HCN1: variants seen among roughly 807,000 people sequenced by gnomAD.
HCN1 encodes the protein hyperpolarization activated cyclic nucleotide gated potassium channel 1.
A neutral mutation model predicts 78.9 loss-of-function variants in HCN1; 13 were observed. The ratio of observed to expected loss-of-function variants is 0.16; its 90% confidence interval spans 0.11 to 0.26. HCN1 has a LOEUF of 0.26. Among genes scored for constraint, HCN1 ranks in the 10% least tolerant of loss-of-function variants. HCN1 has a pLI of 1.00. For missense variants in HCN1, 810 were observed against 1,154.3 expected (o/e 0.70, Z 4.32); for synonymous variants, 552 against 455.5 (o/e 1.21, Z -2.70).
At chr5:45,503,282 A>G (rs1306710752) in intron 2 of HCN1, among the ~76,000 whole-genome samples, 1 of 152,166 alleles carries the variant, frequency 6.6e-6, no homozygotes, top group Non-Finnish European at 1.5e-5. Context: ...ACTAGTTTAT[A>G]GGAAATAAAG....
At chr5:45,504,259 C>G (rs1264683627) in intron 2 of HCN1, among the ~76,000 whole-genome samples, 1 of 152,072 alleles carries the variant, frequency 6.6e-6, no homozygotes, top group East Asian at 1.9e-4. Flanking sequence ...TCTCCCCTCA[C>G]CCCACAACAG....
chr5:45,445,351 C>G (rs1427719357), intron 3 of HCN1, among the ~76,000 whole-genome samples: 1 of 152,154 alleles, frequency 6.6e-6, no homozygotes, highest in Non-Finnish European at 1.5e-5. Context: ...CTGCCATTGC[C>G]CAGGCTTGCT....
chr5:45,680,906 C>A (rs1225105308), intron 1 of HCN1, among the ~76,000 whole-genome samples: 1 of 152,034 alleles, frequency 6.6e-6, no homozygotes, highest in Non-Finnish European at 1.5e-5. Context: ...GAAATTCTTA[C>A]CCTTTTTGAA....
At chr5:45,330,694 A>G (rs1561109537) in intron 5 of HCN1, among the ~76,000 whole-genome samples, 3 of 151,108 alleles carry the variant, frequency 2.0e-5, no homozygotes, top group South Asian at 2.1e-4. Context: ...TTTGCAAGAA[A>G]TTCTTATTAC....
chr5:45,557,275 A>G (rs1367934974), intron 2 of HCN1, among the ~76,000 whole-genome samples: 1 of 151,870 alleles, frequency 6.6e-6, no homozygotes, highest in African/African-American at 2.4e-5. Context: ...TGATCTGGAA[A>G]CCTAAAATTC....
chr5:45,582,335 G>A (rs969141655), intron 2 of HCN1, among the ~76,000 whole-genome samples: 4 of 152,094 alleles, frequency 2.6e-5, no homozygotes, highest in African/African-American at 9.7e-5. Flanking sequence ...TGTTGTTGGT[G>A]TATAAGAATG....
chr5:45,407,695 A>G (rs1739951937), intron 3 of HCN1, among the ~76,000 whole-genome samples: 1 of 151,986 alleles, frequency 6.6e-6, no homozygotes, highest in African/African-American at 2.4e-5. Context: ...AACTTTTTGT[A>G]TTTTTAGTAG....
intron 5 of HCN1, among the ~76,000 whole-genome samples, chr5:45,329,681 CT>C (rs963186886): frequency 4.6e-5 from 7 of 151,266 alleles, no homozygotes; most frequent in African/African-American, 1.7e-4. Flanking sequence ...ATTTTGGAAT[CT>C]TTTTTAAATT....
At position 45,371,970 on chromosome 5, in the gene HCN1, A is replaced by G. The variant is rs1386902128; in HGVS notation, c.1231-18724T>C. On this transcript the variant is annotated intron_variant, in intron 4 of 7. Transcript: ENST00000303230. Reference sequence around the variant, plus strand: ...ATAATATAATATAATTATATATTATATTATGTATATTATATATAATGTAAT... The same window carrying G: ...ATAATATAATATAATTATATATTATGTTATGTATATTATATATAATGTAAT... Among the ~76,000 whole-genome samples the G allele has an allele frequency of 2.6e-3, 166 of 63,302 alleles. 1 individual carries two copies. The highest frequency in any genetic ancestry group is 3.8e-3 in the Non-Finnish European group (143 of 37,152). 41.5% of individuals were successfully genotyped at this position (63,302 alleles called of 152,430 possible).
chr5:45,457,877 T>C (rs376061604), intron 3 of HCN1, among the ~76,000 whole-genome samples: 19 of 152,304 alleles, frequency 1.2e-4, no homozygotes, highest in African/African-American at 4.1e-4. Context: ...CTGCTCTTTA[T>C]GTAATCACCT....
intron 1 of HCN1, among the ~76,000 whole-genome samples, chr5:45,692,883 T>C (rs1281116950): frequency 6.6e-6 from 1 of 152,150 alleles, no homozygotes; most frequent in Non-Finnish European, 1.5e-5. Flanking sequence ...TCTCTGGCCA[T>C]GTAAAGGTTT....
chr5:45,386,578 G>A (rs1332698675), intron 4 of HCN1, among the ~76,000 whole-genome samples: 1 of 152,078 alleles, frequency 6.6e-6, no homozygotes, highest in Non-Finnish European at 1.5e-5. Flanking sequence ...CAAAGGTGGA[G>A]CTTAGTTCAG....
chr5:45,269,424 C>G (rs1239806469), intron 6 of HCN1, among the ~76,000 whole-genome samples: 1 of 151,946 alleles, frequency 6.6e-6, no homozygotes, highest in Non-Finnish European at 1.5e-5. Flanking sequence ...ACTCTGGAAA[C>G]ATTGTTTTGT....
chr5:45,458,169 T>A (rs1741064640), intron 3 of HCN1, among the ~76,000 whole-genome samples: 1 of 152,052 alleles, frequency 6.6e-6, no homozygotes, highest in Non-Finnish European at 1.5e-5. Flanking sequence ...AATTATAGCA[T>A]TGACTTTGAG....
At chr5:45,584,298 T>G (rs1744152301) in intron 2 of HCN1, among the ~76,000 whole-genome samples, 1 of 152,276 alleles carries the variant, frequency 6.6e-6, no homozygotes, top group Admixed American at 6.5e-5. Flanking sequence ...CTTCTTTGTC[T>G]CTTTTGATCT....
At chr5:45,411,488 C>T (rs1740022148) in intron 3 of HCN1, among the ~76,000 whole-genome samples, 1 of 151,550 alleles carries the variant, frequency 6.6e-6, no homozygotes, top group African/African-American at 2.4e-5. Context: ...CATAGTATTA[C>T]TAGTCAAAGA....
At chr5:45,607,718 T>G (rs577965482) in intron 2 of HCN1, among the ~76,000 whole-genome samples, 1 of 151,386 alleles carries the variant, frequency 6.6e-6, no homozygotes, top group African/African-American at 2.4e-5. Context: ...AAACTAAGAA[T>G]AGAATCAGGG....
chr5:45,667,118 ACT>A lies in HCN1; in HGVS notation c.426-21512_426-21511del, dbSNP rs1746065454. On this transcript the variant is annotated intron_variant, in intron 1 of 7. Coordinates refer to ENST00000303230, the MANE Select transcript of HCN1 (RefSeq NM_021072.4). ...GAGCCATGGAACTCAGGCTGGGCTC[ACT>A]GGTCCTACAAACCTCACCTGCTTTC... Among the ~76,000 whole-genome samples the A allele has an allele frequency of 4.6e-5, 7 of 152,144 alleles. No individual in the cohort carries two copies. The South Asian group carries it at 1.5e-3, about 32-fold the overall frequency.
chr5:45,426,731 T>C (rs1740355998), intron 3 of HCN1, among the ~76,000 whole-genome samples: 1 of 152,144 alleles, frequency 6.6e-6, no homozygotes, highest in Non-Finnish European at 1.5e-5. Flanking sequence ...TGAGAAGAAT[T>C]CAGAAGCACT....
Sources: gnomAD v4.1 joint callset for allele counts (sites outside exome capture counted in the v4.1 genomes callset) on GRCh38, gnomAD v4.1.1 for gene constraint, MANE v1.5 for transcripts, NCBI Gene and HGNC (gene_info 2026-07-23, HGNC 2026-07-21) for gene names.